Variants in TRPM3 observed in about 807,000 individuals in gnomAD.
The protein encoded by TRPM3 is transient receptor potential cation channel subfamily M member 3.
Under a neutral mutation model 181.2 loss-of-function variants are expected in TRPM3, and 77 were observed. That is an observed-to-expected ratio of 0.42 (90% CI 0.35 to 0.51). The LOEUF is 0.51. TRPM3 is among the 20% of genes least tolerant of loss of function. The pLI is 0.01. For missense variants in TRPM3, 1,759 were observed against 2,196.7 expected, an observed-to-expected ratio of 0.80 and a Z score of 3.98; for synonymous variants, 745 against 796.4, an observed-to-expected ratio of 0.94 and a Z score of 1.09.
intron 1 of TRPM3, among the ~76,000 whole-genome samples, chr9:70,898,296 G>A (rs2096316082): frequency 6.6e-6 from 1 of 150,960 alleles, no homozygotes; most frequent in Non-Finnish European, 1.5e-5. Context: ...CTAATTTTTT[G>A]TATTTTTAGT....
intron 1 of TRPM3, among the ~76,000 whole-genome samples, chr9:71,003,052 T>C (rs1349355782): frequency 6.6e-6 from 1 of 152,220 alleles, no homozygotes; most frequent in Non-Finnish European, 1.5e-5. Flanking sequence ...CTGGCTTTTA[T>C]ATTTCTCTTT....
intron 5 of TRPM3, among the ~76,000 whole-genome samples, chr9:70,841,414 A>T (rs994183587): frequency 1.3e-5 from 2 of 151,848 alleles, no homozygotes. Context: ...TTATACATGG[A>T]ATCTGATATC....
At chr9:70,646,273 T>C (rs1457081237) in intron 9 of TRPM3, among the ~76,000 whole-genome samples, 1 of 152,204 alleles carries the variant, frequency 6.6e-6, no homozygotes, top group Non-Finnish European at 1.5e-5. Flanking sequence ...CATGCACACA[T>C]GTTTATTGAA....
chr9:70,859,289 T>A lies in TRPM3; in HGVS notation c.462+3619A>T, dbSNP rs1007913712. Reference sequence around the variant, plus strand: ...GAGCCATGTGGAGCCTCAGGAGGGCTGTCGAAGCCAGTGTCTATATGTGTC... The same window carrying A: ...GAGCCATGTGGAGCCTCAGGAGGGCAGTCGAAGCCAGTGTCTATATGTGTC... On this transcript the variant is annotated intron_variant, in intron 3 of 25. Transcript: ENST00000677713. Among the ~76,000 whole-genome samples, 4 of 152,328 alleles carry A rather than the reference T, an allele frequency of 2.6e-5. No homozygotes were observed. The East Asian group carries it at 7.7e-4, about 29-fold the overall frequency.
chr9:71,368,388 C>T (rs1042927055), intron 1 of TRPM3, among the ~76,000 whole-genome samples: 16 of 152,110 alleles, frequency 1.1e-4, no homozygotes, highest in African/African-American at 3.1e-4. Flanking sequence ...CCATGTGAAT[C>T]GTACTGACAG....
rs560922048 is a variant in TRPM3 at position 71,204,851 on chromosome 9, G to A, written c.183+241802C>T. Among the ~76,000 whole-genome samples, 13 of 152,226 alleles carry A rather than the reference G, an allele frequency of 8.5e-5. 1 individual carries two copies. The South Asian group carries it at 2.7e-3, about 32-fold the overall frequency. On this transcript the variant is annotated intron_variant, in intron 1 of 24. Coordinates refer to the TRPM3 transcript ENST00000357533. ...ATGATAGACTGGATTAAGAAAATGT[G>A]GCACATATACACCATGGAATACTAT...
intron 8 of TRPM3, among the ~76,000 whole-genome samples, chr9:70,692,210 A>ATAAT (rs1404155803): frequency 1.3e-5 from 2 of 152,198 alleles, no homozygotes; most frequent in African/African-American, 4.8e-5. Context: ...TCTTCAAAAC[A>ATAAT]TAATTTTTAA....
At chr9:71,197,271 T>C (rs577318620) in intron 1 of TRPM3, among the ~76,000 whole-genome samples, 73 of 152,190 alleles carry the variant, frequency 4.8e-4, no homozygotes, top group Non-Finnish European at 8.1e-4. Context: ...AGTCTATCAT[T>C]GTTGGACATT....
intron 1 of TRPM3, among the ~76,000 whole-genome samples, chr9:71,432,323 C>CTTTTTT (rs67905820): frequency 6.3e-4 from 48 of 76,648 alleles, no homozygotes; most frequent in Non-Finnish European, 9.3e-4. Flanking sequence ...AAAAGTAGGA[C>CTTTTTT]TTTTTTTTTT....
chr9:71,350,801 C>T (rs1356908044), intron 1 of TRPM3, among the ~76,000 whole-genome samples: 2 of 152,134 alleles, frequency 1.3e-5, no homozygotes, highest in African/African-American at 4.8e-5. Flanking sequence ...ATTTAATAAG[C>T]TTTATCTTTA....
At chr9:71,347,968 T>C (rs1480011129) in intron 1 of TRPM3, among the ~76,000 whole-genome samples, 3 of 152,096 alleles carry the variant, frequency 2.0e-5, no homozygotes, top group African/African-American at 4.8e-5. Flanking sequence ...TATGTTCCTC[T>C]CTGGTTGAGA....
At chr9:70,647,744 A>G (rs1380418667) in intron 9 of TRPM3, among the ~76,000 whole-genome samples, 2 of 152,214 alleles carry the variant, frequency 1.3e-5, no homozygotes, top group African/African-American at 4.8e-5. Flanking sequence ...GAAGAGAGGA[A>G]GTCAAACTAT....
chr9:71,218,527 A>C (rs1351101083), intron 1 of TRPM3, among the ~76,000 whole-genome samples: 2 of 152,232 alleles, frequency 1.3e-5, no homozygotes, highest in Non-Finnish European at 2.9e-5. Context: ...AAATTTGCCA[A>C]GGAATCTCAC....
chr9:70,803,451 G>T (rs138949058), intron 6 of TRPM3, among the ~76,000 whole-genome samples: 75 of 125,284 alleles, frequency 6.0e-4, no homozygotes, highest in Admixed American at 1.1e-3. Context: ...CGTTTTTGTT[G>T]TTTTTTTTTT....
chr9:70,912,362 G>C (rs2096546989), intron 1 of TRPM3, among the ~76,000 whole-genome samples: 1 of 152,122 alleles, frequency 6.6e-6, no homozygotes, highest in Non-Finnish European at 1.5e-5. Context: ...GCCCTTTTAT[G>C]GATCAAACAT....
At chr9:70,993,210 A>G (rs2097505672) in intron 1 of TRPM3, among the ~76,000 whole-genome samples, 1 of 152,132 alleles carries the variant, frequency 6.6e-6, no homozygotes, top group Admixed American at 6.5e-5. Flanking sequence ...TCATAATTTT[A>G]TCTGTATTTC....
intron 1 of TRPM3, among the ~76,000 whole-genome samples, chr9:70,973,835 C>T (rs959896354): frequency 6.6e-6 from 1 of 152,148 alleles, no homozygotes; most frequent in Non-Finnish European, 1.5e-5. Flanking sequence ...TAAAGTTCTG[C>T]AAATCACACA....
chr9:70,832,384 G>T (rs371390735), intron 5 of TRPM3, among the ~76,000 whole-genome samples: 1 of 152,146 alleles, frequency 6.6e-6, no homozygotes, highest in South Asian at 2.1e-4. Context: ...TTGTGGGCCC[G>T]AATACCTGTA....
chr9:70,604,533 G>A (rs778072406), intron 19 of TRPM3, among the ~76,000 whole-genome samples: 7 of 152,346 alleles, frequency 4.6e-5, no homozygotes, highest in Non-Finnish European at 8.8e-5. Flanking sequence ...GTGGGTGAAA[G>A]GATTGAGGCC....
Sources: allele counts gnomAD v4.1 joint callset (sites outside exome capture counted in the v4.1 genomes callset), GRCh38; gene constraint gnomAD v4.1.1; transcripts MANE v1.5; gene names NCBI Gene and HGNC (gene_info 2026-07-23, HGNC 2026-07-21).